RNF180: variants seen among roughly 807,000 people sequenced by gnomAD.
RNF180 encodes the protein ring finger protein 180.
A neutral mutation model predicts 59.2 loss-of-function variants in RNF180; 38 were observed. The observed-to-expected ratio is 0.64, with a 90% CI of 0.50 to 0.84. The LOEUF (loss-of-function observed/expected upper bound fraction) is 0.84, where lower values mean the gene tolerates loss of function less well. RNF180 is among the 40% of genes least tolerant of loss of function. The pLI is 0.00. For missense variants in RNF180, 705 were observed against 700.9 expected, an observed-to-expected ratio of 1.01 and a Z score of -0.07; for synonymous variants, 262 against 240.3, an observed-to-expected ratio of 1.09 and a Z score of -0.84.
intron 1 of RNF180, among the ~76,000 whole-genome samples, chr5:64,174,407 A>G (rs1475608208): frequency 6.6e-6 from 1 of 152,176 alleles, no homozygotes; most frequent in Non-Finnish European, 1.5e-5. Flanking sequence ...GGCTGGACAA[A>G]TTTACATTCC....
At chr5:64,222,535 A>G (rs1741407686) in intron 5 of RNF180, among the ~76,000 whole-genome samples, 1 of 152,190 alleles carries the variant, frequency 6.6e-6, no homozygotes, top group South Asian at 2.1e-4. Flanking sequence ...CCTCAACAGT[A>G]AGTTATGACA....
In RNF180 at chr5:64,234,578, C is replaced by CTTTTTTTT. The variant is rs1171637074; in HGVS notation, c.1227+17214_1227+17221dup. 8.0e-3 allele frequency among the ~76,000 whole-genome samples: 389 copies of CTTTTTTTT among 48,526 alleles called. 149 individuals carry two copies. Among genetic ancestry groups the CTTTTTTTT allele is most frequent in the Non-Finnish European group, 0.012 (315 of 26,120 alleles). The allele number at this position is 48,526 out of a possible 152,430, so 31.8% of individuals were successfully genotyped here. A position where few individuals can be genotyped will look rare whatever the true frequency, so the allele number is the denominator to read the frequency against. ...GCTTTCCAAATGGCAGTTACCCGTT[C>CTTTTTTTT]TTTTTTTTTTTTTTTTTTTTTTTTT... On this transcript the variant is annotated intron_variant, in intron 5 of 7. Transcript: ENST00000389100.
chr5:64,274,711 T>C (rs978140712), intron 5 of RNF180, among the ~76,000 whole-genome samples: 2 of 152,000 alleles, frequency 1.3e-5, no homozygotes, highest in East Asian at 3.9e-4. Flanking sequence ...GGTGACTCTC[T>C]TTCTATCCTT....
At chr5:64,217,609 C>T in intron 5 of RNF180, 1 of 657,356 alleles carries the variant, frequency 1.5e-6, no homozygotes, top group Middle Eastern at 4.0e-4. Flanking sequence ...GGATGCTGAA[C>T]ATATGTGCTT....
chr5:64,282,691 C>T (rs1350828013), intron 5 of RNF180, among the ~76,000 whole-genome samples: 1 of 152,058 alleles, frequency 6.6e-6, no homozygotes, highest in Non-Finnish European at 1.5e-5. Context: ...TTCCTCTTAA[C>T]ACTGTTTTAG....
chr5:64,195,919 A>G (rs749915055), intron 1 of RNF180, among the ~76,000 whole-genome samples: 2 of 152,178 alleles, frequency 1.3e-5, no homozygotes, highest in African/African-American at 2.4e-5. Context: ...TCTAACATGT[A>G]TATCTTTGGG....
chr5:64,337,009 T>TTTTTTGTTTTTGTTTTTG (rs1554044718), intron 7 of RNF180, among the ~76,000 whole-genome samples: 2 of 151,522 alleles, frequency 1.3e-5, no homozygotes, highest in Admixed American at 1.3e-4. Flanking sequence ...TTGTTGTTTT[T>TTTTTTGTTTTTGTTTTTG]TTTTTGTTTT....
chr5:64,236,823 T>C (rs528186973), intron 5 of RNF180, among the ~76,000 whole-genome samples: 4 of 152,266 alleles, frequency 2.6e-5, no homozygotes, highest in African/African-American at 9.6e-5. Context: ...AGGCTGTTGC[T>C]TCAGAGGGTG....
intron 1 of RNF180, among the ~76,000 whole-genome samples, chr5:64,174,375 C>T (rs1750113050): frequency 1.3e-5 from 2 of 152,138 alleles, no homozygotes; most frequent in Non-Finnish European, 2.9e-5. Context: ...TTTTGAGGAA[C>T]CTCCATACTG....
At chr5:64,263,012 T>C (rs1744435878) in intron 5 of RNF180, among the ~76,000 whole-genome samples, 2 of 152,158 alleles carry the variant, frequency 1.3e-5, no homozygotes, top group African/African-American at 2.4e-5. Context: ...GCCACAAATA[T>C]GGTGTAGCAT....
At chr5:64,369,212 A>C (rs1202238532) in intron 7 of RNF180, among the ~76,000 whole-genome samples, 2 of 152,026 alleles carry the variant, frequency 1.3e-5, no homozygotes, top group Non-Finnish European at 2.9e-5. Context: ...TCGCAAGGAC[A>C]AAAAACCAAA....
At chr5:64,177,780 C>G (rs1750337118) in intron 1 of RNF180, among the ~76,000 whole-genome samples, 1 of 151,842 alleles carries the variant, frequency 6.6e-6, no homozygotes, top group Admixed American at 6.6e-5. Context: ...ATAGGTGTCT[C>G]TAGGTTAAAA....
At chr5:64,229,633 A>G (rs553178109) in intron 5 of RNF180, among the ~76,000 whole-genome samples, 27 of 152,330 alleles carry the variant, frequency 1.8e-4, no homozygotes, top group African/African-American at 5.8e-4. Context: ...AGGGAATAAA[A>G]CAGCTACTCT....
Position 64,186,047 on chromosome 5 carries a change from T to C in RNF180, c.1-14761T>C, listed in dbSNP as rs114502861. On this transcript the variant is annotated intron_variant, in intron 1 of 7. Coordinates refer to ENST00000389100, the MANE Select transcript of RNF180 (RefSeq NM_001113561.2). ...GGCCAGTGTTTTATCTGCTAGGAAA[T>C]ACCTGCTTTTTTTTCTCCATTATCT... 3.4e-3 allele frequency among the ~76,000 whole-genome samples: 522 copies of C among 152,284 alleles called. 2 individuals are homozygous for C. The highest frequency in any genetic ancestry group is 0.011 in the African/African-American group (473 of 41,558).
intron 7 of RNF180, among the ~76,000 whole-genome samples, chr5:64,361,537 T>A (rs1746252598): frequency 6.6e-6 from 1 of 151,540 alleles, no homozygotes. Flanking sequence ...TTCACTGCAG[T>A]GTGCCTTTTT....
chr5:64,169,481 G>C (rs983754049), intron 1 of RNF180, among the ~76,000 whole-genome samples: 5 of 152,190 alleles, frequency 3.3e-5, no homozygotes, highest in Non-Finnish European at 7.4e-5. Flanking sequence ...AAACTTTTGA[G>C]AGAATGCAGC....
chr5:64,356,696 T>C (rs1440275194), intron 7 of RNF180, among the ~76,000 whole-genome samples: 1 of 151,878 alleles, frequency 6.6e-6, no homozygotes, highest in African/African-American at 2.4e-5. Flanking sequence ...TTCTGATACA[T>C]ACTGCAATAT....
chr5:64,270,502 TG>T (rs1416697019), intron 5 of RNF180, among the ~76,000 whole-genome samples: 2 of 152,164 alleles, frequency 1.3e-5, no homozygotes, highest in African/African-American at 4.8e-5. Context: ...ATTTATTTTA[TG>T]TGCTCATGTC....
chr5:64,250,831 A>C (rs1743521045), intron 5 of RNF180, among the ~76,000 whole-genome samples: 1 of 152,158 alleles, frequency 6.6e-6, no homozygotes, highest in African/African-American at 2.4e-5. Context: ...ATTGAAGAGG[A>C]GGGAATACTT....
Sources: gnomAD v4.1 joint callset for allele counts (sites outside exome capture counted in the v4.1 genomes callset) on GRCh38, gnomAD v4.1.1 for gene constraint, MANE v1.5 for transcripts, NCBI Gene and HGNC (gene_info 2026-07-23, HGNC 2026-07-21) for gene names.